The following NALF1 variants were observed in gnomAD, a reference collection of about 807,000 sequenced individuals.
NALF1 encodes family with sequence similarity 155 member A.
In NALF1, 3 loss-of-function variants were observed where a neutral mutation model predicts 48.4. The ratio of observed to expected loss-of-function variants is 0.06; its 90% CI spans 0.03 to 0.16. The LOEUF is 0.16. Among genes scored for constraint, NALF1 ranks in the 10% least tolerant of loss-of-function variants. The pLI, the probability that NALF1 is intolerant of heterozygous loss-of-function variation, is 1.00. For missense variants in NALF1, 526 were observed against 571.5 expected (o/e 0.92, Z 0.81); for synonymous variants, 262 against 245.7 (o/e 1.07, Z -0.62).
At chr13:107,431,586 C>T (rs1884382364) in intron 1 of NALF1, among the ~76,000 whole-genome samples, 1 of 152,176 alleles carries the variant, frequency 6.6e-6, no homozygotes, top group African/African-American at 2.4e-5. Flanking sequence ...GCAAGAGTGC[C>T]ATCACCAGTT....
intron 1 of NALF1, among the ~76,000 whole-genome samples, chr13:107,761,046 G>A (rs1877247274): frequency 6.6e-6 from 1 of 152,072 alleles, no homozygotes; most frequent in Non-Finnish European, 1.5e-5. Flanking sequence ...AAGAGTTAAT[G>A]GGTTAAGAAA....
chr13:107,301,213 G>A (rs1881830573), intron 1 of NALF1, among the ~76,000 whole-genome samples: 1 of 152,168 alleles, frequency 6.6e-6, no homozygotes, highest in South Asian at 2.1e-4. Flanking sequence ...CTGTGCTGCT[G>A]TATTCCAGAT....
intron 1 of NALF1, among the ~76,000 whole-genome samples, chr13:107,591,337 A>G (rs758297403): frequency 7.9e-5 from 12 of 152,158 alleles, no homozygotes; most frequent in Middle Eastern, 3.4e-3. Context: ...TATTCTGCAC[A>G]TAATAGGCTT....
intron 1 of NALF1, among the ~76,000 whole-genome samples, chr13:107,757,971 T>C (rs1369645535): frequency 6.6e-6 from 1 of 152,194 alleles, no homozygotes; most frequent in Non-Finnish European, 1.5e-5. Flanking sequence ...CCACTATCAA[T>C]TGTTCAGGGG....
At chr13:107,275,502 C>A (rs1881262648) in intron 1 of NALF1, among the ~76,000 whole-genome samples, 1 of 152,032 alleles carries the variant, frequency 6.6e-6, no homozygotes, top group Non-Finnish European at 1.5e-5. Flanking sequence ...TATTAGTTGT[C>A]TATTATTGCG....
At chr13:107,832,747 T>TGC (rs1879777430) in intron 1 of NALF1, among the ~76,000 whole-genome samples, 1 of 152,220 alleles carries the variant, frequency 6.6e-6, no homozygotes, top group Non-Finnish European at 1.5e-5. Flanking sequence ...GTGTGGCTTC[T>TGC]GCTCTCCTCT....
intron 1 of NALF1, among the ~76,000 whole-genome samples, chr13:107,799,844 CA>C (rs1878547676): frequency 6.6e-6 from 1 of 151,920 alleles, no homozygotes. Flanking sequence ...ACAGCAATAA[CA>C]ATGACAAAAA....
chr13:107,684,339 G>C (rs990068695), intron 1 of NALF1, among the ~76,000 whole-genome samples: 9 of 152,206 alleles, frequency 5.9e-5, no homozygotes, highest in Non-Finnish European at 1.3e-4. Flanking sequence ...AAGAGGAAAC[G>C]AGTGTCATAC....
intron 1 of NALF1, among the ~76,000 whole-genome samples, chr13:107,258,731 A>G (rs1381230750): frequency 6.6e-6 from 1 of 152,230 alleles, no homozygotes; most frequent in Non-Finnish European, 1.5e-5. Flanking sequence ...AAAAGCTTCC[A>G]AAAGCAGGAA....
intron 1 of NALF1, among the ~76,000 whole-genome samples, chr13:107,783,276 C>A (rs865811823): frequency 0.011 from 681 of 63,882 alleles, 1 homozygote; most frequent in East Asian, 0.027. Context: ...TCGCCCCGTC[C>A]GGGAGGTGAG....
chr13:107,650,215 T>C lies in NALF1; in HGVS notation c.915+215467A>G, dbSNP rs149133775. Among the ~76,000 whole-genome samples, 679 of 152,098 alleles carry C rather than the reference T, an allele frequency of 4.5e-3. 4 individuals are homozygous for C. Among genetic ancestry groups the C allele is most frequent in the African/African-American group, 5.8e-3 (239 of 41,532 alleles). The stretch of plus-strand genomic sequence containing the variant: ...TCATTACAGATGCCCCCCAAGTCGA[T>C]AGTGCCTGTCTAGGAAGGTCACCTG... On this transcript the variant is annotated intron_variant, in intron 1 of 2. Transcript: ENST00000375915.
At chr13:107,518,856 C>T (rs537116959) in intron 1 of NALF1, among the ~76,000 whole-genome samples, 9 of 152,128 alleles carry the variant, frequency 5.9e-5, no homozygotes, top group South Asian at 4.1e-4. Flanking sequence ...TAGAACTGAA[C>T]GAGATAACAA....
chr13:107,176,776 G>C (rs1046427235), intron 2 of NALF1, among the ~76,000 whole-genome samples: 4 of 152,020 alleles, frequency 2.6e-5, no homozygotes, highest in African/African-American at 9.7e-5. Context: ...TTCATTATCA[G>C]GGGAATTCCT....
At chr13:107,413,041 G>A (rs1464120119) in intron 1 of NALF1, among the ~76,000 whole-genome samples, 20 of 152,072 alleles carry the variant, frequency 1.3e-4, no homozygotes, top group Admixed American at 7.2e-4. Flanking sequence ...ATGTAACCTG[G>A]AATTGTTGAA....
At chr13:107,784,219 C>G (rs933506724) in intron 1 of NALF1, among the ~76,000 whole-genome samples, 28 of 152,218 alleles carry the variant, frequency 1.8e-4, no homozygotes, top group Non-Finnish European at 3.8e-4. Context: ...GCCCCGCTGA[C>G]TTTCAGTGAT....
chr13:107,814,662 C>T (rs9301262), intron 1 of NALF1, among the ~76,000 whole-genome samples: 17,181 of 152,056 alleles, frequency 0.11, 1,024 homozygotes, highest in Non-Finnish European at 0.13. Context: ...ACTCACCTAA[C>T]AGAGCCTTCA....
In NALF1 at chr13:107,346,170, C is replaced by T. The variant is rs114823003; in HGVS notation, c.916-135415G>A. Among the ~76,000 whole-genome samples, 1,213 of 150,862 alleles carry T rather than the reference C, an allele frequency of 8.0e-3. 18 individuals are homozygous for T. The highest frequency in any genetic ancestry group is 0.028 in the African/African-American group (1,150 of 41,066). ...GAAACATTGCGTACTTTGTTGGGGG[C>T]GGGGGGGCAGATTGTAAATTGGCAT... On this transcript the variant is annotated intron_variant, in intron 1 of 2. Coordinates refer to ENST00000375915, the MANE Select transcript of NALF1 (RefSeq NM_001080396.3).
intron 1 of NALF1, among the ~76,000 whole-genome samples, chr13:107,694,384 G>C (rs1881648819): frequency 6.6e-6 from 1 of 151,988 alleles, no homozygotes; most frequent in Non-Finnish European, 1.5e-5. Flanking sequence ...GGCTGCATTT[G>C]CTTCTGCTCT....
At chr13:107,864,946 T>C (rs1382329538) in intron 1 of NALF1, among the ~76,000 whole-genome samples, 2 of 152,244 alleles carry the variant, frequency 1.3e-5, no homozygotes, top group Non-Finnish European at 2.9e-5. Context: ...TTAATACTTC[T>C]GGAAAGCATA....
Sources: allele counts gnomAD v4.1 joint callset (sites outside exome capture counted in the v4.1 genomes callset), GRCh38; gene constraint gnomAD v4.1.1; transcripts MANE v1.5; gene names NCBI Gene and HGNC (gene_info 2026-07-23, HGNC 2026-07-21).